The following DCHS2 variants were observed in gnomAD, a reference collection of about 807,000 sequenced individuals.
DCHS2 encodes protocadherin-23.
Under a neutral mutation model 182.4 loss-of-function variants are expected in DCHS2, and 142 were observed. The ratio of observed to expected loss-of-function variants is 0.78; its 90% CI spans 0.68 to 0.89. The LOEUF (loss-of-function observed/expected upper bound fraction) is 0.89, where lower values mean the gene tolerates loss of function less well. Among genes scored for constraint, DCHS2 ranks in the 40% least tolerant of loss-of-function variants. DCHS2 has a pLI of 0.00. For missense variants in DCHS2, 4,319 were observed against 4,198.6 expected, an observed-to-expected ratio of 1.03 and a Z score of -0.79; for synonymous variants, 1,740 against 1,663.3, an observed-to-expected ratio of 1.05 and a Z score of -1.12.
At chr4:154,338,348 A>C (rs1728910397) in intron 3 of DCHS2, among the ~76,000 whole-genome samples, 1 of 152,244 alleles carries the variant, frequency 6.6e-6, no homozygotes, top group African/African-American at 2.4e-5. Context: ...TGAAAGTTAG[A>C]TTAGCAGTGG....
chr4:154,477,993 A>G (rs756939291), intron 1 of DCHS2, among the ~76,000 whole-genome samples: 59 of 152,348 alleles, frequency 3.9e-4, no homozygotes, highest in Non-Finnish European at 7.5e-4. Flanking sequence ...CAATTATTCA[A>G]TTAAAATTCC....
chr4:154,489,197 T>C, intron 1 of DCHS2, 107 bp downstream of exon 1: 1 of 971,498 alleles, frequency 1.0e-6, no homozygotes, highest in Non-Finnish European at 1.5e-6. Flanking sequence ...GTCTTGTATT[T>C]GAGAGCCGGA....
intron 16 of DCHS2, among the ~76,000 whole-genome samples, chr4:154,247,671 A>ATG (rs1560981724): frequency 7.0e-6 from 1 of 141,892 alleles, no homozygotes; most frequent in African/African-American, 2.7e-5. Context: ...AAAAAAAAAA[A>ATG]AGAATTAGAA....
chr4:154,393,599 A>G (rs1377095673), intron 1 of DCHS2, among the ~76,000 whole-genome samples: 1 of 152,130 alleles, frequency 6.6e-6, no homozygotes, highest in Non-Finnish European at 1.5e-5. Context: ...AAAAAGCAGG[A>G]TTTTCCAGCC....
Position 154,339,623 on chromosome 4 carries a change from T to A in DCHS2, c.2477-4519A>T, listed in dbSNP as rs188565608. Among the ~76,000 whole-genome samples, 382 of 152,232 alleles carry A rather than the reference T, an allele frequency of 2.5e-3. 2 individuals carry two copies. Among genetic ancestry groups the A allele is most frequent in the African/African-American group, 9.0e-3 (372 of 41,532 alleles). On this transcript the variant is annotated intron_variant, in intron 3 of 19. Transcript: ENST00000357232. ...TACCATCACGCCTAGCTAATTTTTG[T>A]ATTTTTAGTAGAGAGGGGTTTCACC...
intron 2 of DCHS2, among the ~76,000 whole-genome samples, chr4:154,374,774 T>C (rs978062250): frequency 7.2e-5 from 11 of 152,196 alleles, no homozygotes; most frequent in African/African-American, 2.6e-4. Context: ...GGTCTGTCTA[T>C]ACAAAAGAGT....
intron 13 of DCHS2, among the ~76,000 whole-genome samples, chr4:154,296,851 T>C (rs1734947802): frequency 6.6e-6 from 1 of 152,178 alleles, no homozygotes; most frequent in East Asian, 1.9e-4. Flanking sequence ...ATTTTTCATT[T>C]GAAAATAAAG....
intron 1 of DCHS2, among the ~76,000 whole-genome samples, chr4:154,413,277 C>G (rs1732702953): frequency 6.6e-6 from 1 of 152,164 alleles, no homozygotes; most frequent in South Asian, 2.1e-4. Context: ...TTAAATGTTT[C>G]CTCTTCTTCC....
chr4:154,307,012 C>T lies in DCHS2; in HGVS notation c.5261-1781G>A, dbSNP rs187081730. Among the ~76,000 whole-genome samples, 5 of 152,204 alleles carry T rather than the reference C, an allele frequency of 3.3e-5. No individual in the cohort carries two copies. In the East Asian group the frequency reaches 9.6e-4, roughly 29 times the overall value. ...GATAACAATACATTAACCTTCAACCCTCCTAGTATATTATTAAGGATAAAT... is the reference window on the plus strand; with the variant it reads ...GATAACAATACATTAACCTTCAACCTTCCTAGTATATTATTAAGGATAAAT... On this transcript the variant is annotated intron_variant, in intron 10 of 19. Coordinates refer to ENST00000357232, the MANE Select transcript of DCHS2 (RefSeq NM_001358235.2).
chr4:154,478,406 G>C (rs950510851), intron 1 of DCHS2, among the ~76,000 whole-genome samples: 1 of 152,178 alleles, frequency 6.6e-6, no homozygotes, highest in Non-Finnish European at 1.5e-5. Flanking sequence ...CCTTCTAGGG[G>C]TGAGTAAAAG....
In DCHS2 at chr4:154,489,964, G is replaced by T; in HGVS notation, c.1392C>A (p.Asp464Glu). The T allele has an allele frequency of 6.5e-7, 1 of 1,544,760 alleles. No individual in the cohort carries two copies. The change falls in exon 1 of 20, where the codon GAC becomes GAA. Residue 464 changes from aspartate (D) to glutamate (E), a missense_variant. Asp to Glu is a conservative substitution (Grantham distance 45, BLOSUM62 2). Coordinates refer to ENST00000357232, the MANE Select transcript of DCHS2 (RefSeq NM_001358235.2). Reference protein sequence around the residue: ...ATGELGVGLGDGSISLSLEGG... With the variant: ...ATGELGVGLGEGSISLSLEGG... Reference sequence around the variant, plus strand: ...CTTCCAAGGACAGAGAGATGCTCCCGTCTCCAAGACCCACACCAAGCTCCC... The same window carrying T: ...CTTCCAAGGACAGAGAGATGCTCCCTTCTCCAAGACCCACACCAAGCTCCC...
chr4:154,287,497 T>C (rs1225280392), intron 13 of DCHS2, among the ~76,000 whole-genome samples: 1 of 152,168 alleles, frequency 6.6e-6, no homozygotes, highest in Non-Finnish European at 1.5e-5. Context: ...TTAAAAATTT[T>C]TGATAAGGAG....
intron 1 of DCHS2, among the ~76,000 whole-genome samples, chr4:154,455,333 G>C (rs1456093456): frequency 6.6e-6 from 1 of 152,182 alleles, no homozygotes; most frequent in Non-Finnish European, 1.5e-5. Flanking sequence ...AGAATCATCT[G>C]ACTTCATGAA....
intron 4 of DCHS2, chr4:154,333,764 A>C: frequency 3.4e-4 from 141 of 412,080 alleles, no homozygotes; most frequent in East Asian, 6.2e-4. Flanking sequence ...CCTAGGAGCA[A>C]TCGACTGTAA....
At chr4:154,401,279 C>T (rs1579049056) in intron 1 of DCHS2, among the ~76,000 whole-genome samples, 5 of 152,308 alleles carry the variant, frequency 3.3e-5, no homozygotes, top group Middle Eastern at 6.8e-3. Context: ...CCATTCACCA[C>T]GGACATCTGT....
At chr4:154,481,844 T>C (rs6536013) in intron 1 of DCHS2, among the ~76,000 whole-genome samples, 138,548 of 152,240 alleles carry the variant, frequency 0.91, 64,418 homozygotes, top group East Asian at 1. Context: ...TGTTTCACTC[T>C]GCATTGCAAG....
chr4:154,481,042 A>C (rs1735901009), intron 1 of DCHS2, among the ~76,000 whole-genome samples: 1 of 152,212 alleles, frequency 6.6e-6, no homozygotes, highest in Non-Finnish European at 1.5e-5. Context: ...GTGGTATACA[A>C]ATAGTTTTTA....
At chr4:154,437,198 A>G (rs1733815850) in intron 1 of DCHS2, among the ~76,000 whole-genome samples, 1 of 152,168 alleles carries the variant, frequency 6.6e-6, no homozygotes, top group Non-Finnish European at 1.5e-5. Flanking sequence ...GCAGAATCTC[A>G]GGTCCCACTC....
At chr4:154,266,734 G>T (rs187097479) in intron 14 of DCHS2, among the ~76,000 whole-genome samples, 3 of 152,042 alleles carry the variant, frequency 2.0e-5, no homozygotes, top group Admixed American at 2.0e-4. Flanking sequence ...GATCATATGG[G>T]TGACTTCAAT....
Sources: gnomAD v4.1 joint callset for allele counts (sites outside exome capture counted in the v4.1 genomes callset) on GRCh38, gnomAD v4.1.1 for gene constraint, MANE v1.5 for transcripts, NCBI Gene and HGNC (gene_info 2026-07-23, HGNC 2026-07-21) for gene names.